LRRC4C: variants seen among roughly 807,000 people sequenced by gnomAD.
LRRC4C encodes the protein leucine-rich repeat-containing protein 4C.
Under a neutral mutation model 33.6 loss-of-function variants are expected in LRRC4C, and 5 were observed. The ratio of observed to expected loss-of-function variants is 0.15; its 90% CI spans 0.08 to 0.31. LRRC4C has a LOEUF of 0.31. LRRC4C is among the 10% of genes least tolerant of loss of function. The pLI is 1.00. For missense variants in LRRC4C, 560 were observed against 796.7 expected (o/e 0.70, Z 3.58); for synonymous variants, 329 against 302.0 (o/e 1.09, Z -0.93).
intron 1 of LRRC4C, among the ~76,000 whole-genome samples, chr11:41,242,966 T>A (rs965810344): frequency 6.6e-6 from 1 of 152,212 alleles, no homozygotes; most frequent in South Asian, 2.1e-4. Flanking sequence ...GTGAGTTCAA[T>A]GATTAGGCTT....
chr11:40,976,098 T>A (rs954639653), intron 1 of LRRC4C, among the ~76,000 whole-genome samples: 2 of 152,300 alleles, frequency 1.3e-5, no homozygotes, highest in South Asian at 2.1e-4. Context: ...TTTGCTTGGA[T>A]TATATTGCTT....
At position 40,300,144 on chromosome 11, in the gene LRRC4C, A is replaced by G. The variant is rs149026643; in HGVS notation, c.-176+19484T>C. On this transcript the variant is annotated intron_variant, in intron 4 of 6. Coordinates refer to ENST00000528697, the MANE Select transcript of LRRC4C (RefSeq NM_001258419.2). Reference sequence around the variant, plus strand: ...GAGGTGCTACTGACTTTTAAATGACAAGATTTCACAAGAACTCACTAACGT... The same window carrying G: ...GAGGTGCTACTGACTTTTAAATGACGAGATTTCACAAGAACTCACTAACGT... 7.1e-3 allele frequency among the ~76,000 whole-genome samples: 1,078 copies of G among 152,258 alleles called. 9 individuals are homozygous for G. Among genetic ancestry groups the G allele is most frequent in the African/African-American group, 0.025 (1,047 of 41,554 alleles).
chr11:41,136,981 C>T (rs1943290560), intron 1 of LRRC4C, among the ~76,000 whole-genome samples: 1 of 152,056 alleles, frequency 6.6e-6, no homozygotes, highest in South Asian at 2.1e-4. Context: ...GGTGCGGCAA[C>T]TCACCCTTCT....
At chr11:40,509,817 T>C (rs1210348156) in intron 3 of LRRC4C, among the ~76,000 whole-genome samples, 2 of 152,248 alleles carry the variant, frequency 1.3e-5, no homozygotes, top group Non-Finnish European at 2.9e-5. Flanking sequence ...ATATATTTTG[T>C]GTGTACTGAG....
intron 1 of LRRC4C, among the ~76,000 whole-genome samples, chr11:41,365,672 TG>T (rs1160586424): frequency 1.3e-5 from 2 of 152,204 alleles, no homozygotes; most frequent in Non-Finnish European, 2.9e-5. Flanking sequence ...ATTCAATTTC[TG>T]GAGTTGGAAA....
chr11:40,753,922 TA>T (rs561890838), intron 2 of LRRC4C, among the ~76,000 whole-genome samples: 248 of 151,936 alleles, frequency 1.6e-3, no homozygotes, highest in African/African-American at 5.6e-3. Context: ...GATAAAAAGA[TA>T]AAAAATATGT....
intron 2 of LRRC4C, among the ~76,000 whole-genome samples, chr11:40,822,315 A>G (rs1444239392): frequency 6.6e-6 from 1 of 151,222 alleles, no homozygotes; most frequent in African/African-American, 2.4e-5. Context: ...CCATGTTTCT[A>G]TAAATGACAG....
chr11:40,335,567 T>C (rs760609348), intron 3 of LRRC4C, among the ~76,000 whole-genome samples: 4 of 152,230 alleles, frequency 2.6e-5, no homozygotes, highest in Non-Finnish European at 5.9e-5. Flanking sequence ...AAGCAGAAAA[T>C]CTTAGAAATT....
intron 1 of LRRC4C, among the ~76,000 whole-genome samples, chr11:41,053,247 G>T (rs960410467): frequency 1.3e-5 from 2 of 152,150 alleles, no homozygotes; most frequent in African/African-American, 4.8e-5. Flanking sequence ...GTTGCATAAG[G>T]TTAAATACCC....
intron 1 of LRRC4C, among the ~76,000 whole-genome samples, chr11:41,362,541 A>AAGG (rs1952391031): frequency 6.6e-6 from 1 of 151,516 alleles, no homozygotes; most frequent in African/African-American, 2.4e-5. Flanking sequence ...CAGAATCACT[A>AAGG]AGGGGGTCCA....
intron 5 of LRRC4C, among the ~76,000 whole-genome samples, chr11:40,175,772 T>C (rs985034307): frequency 6.6e-6 from 1 of 152,210 alleles, no homozygotes; most frequent in African/African-American, 2.4e-5. Context: ...ATTTCAGCCC[T>C]TGATTATATA....
At chr11:40,259,869 A>C (rs1867549043) in intron 4 of LRRC4C, among the ~76,000 whole-genome samples, 1 of 152,106 alleles carries the variant, frequency 6.6e-6, no homozygotes, top group Admixed American at 6.6e-5. Context: ...ATCTCACACC[A>C]GTTAGAATGT....
At chr11:40,869,571 G>A (rs1190977762) in intron 2 of LRRC4C, among the ~76,000 whole-genome samples, 2 of 152,124 alleles carry the variant, frequency 1.3e-5, no homozygotes, top group African/African-American at 4.8e-5. Flanking sequence ...CAAAATGGCA[G>A]TTTAACTGGT....
chr11:41,157,802 G>T (rs959952336), intron 1 of LRRC4C, among the ~76,000 whole-genome samples: 2 of 151,834 alleles, frequency 1.3e-5, no homozygotes, highest in South Asian at 4.2e-4. Context: ...TATTTACAGG[G>T]TTAATGAGAT....
intron 3 of LRRC4C, among the ~76,000 whole-genome samples, chr11:40,487,879 A>G (rs1953946106): frequency 6.6e-6 from 1 of 152,080 alleles, no homozygotes; most frequent in Non-Finnish European, 1.5e-5. Flanking sequence ...TAATTGATAT[A>G]TGTACCACTT....
intron 1 of LRRC4C, among the ~76,000 whole-genome samples, chr11:41,398,427 C>T (rs1229223567): frequency 6.6e-6 from 1 of 151,986 alleles, no homozygotes; most frequent in Non-Finnish European, 1.5e-5. Context: ...AACTTCCTTT[C>T]AGTTAATTTA....
chr11:40,441,487 T>C (rs779454045), intron 3 of LRRC4C, among the ~76,000 whole-genome samples: 41 of 152,348 alleles, frequency 2.7e-4, no homozygotes, highest in Non-Finnish European at 4.6e-4. Flanking sequence ...ATGCATTCTT[T>C]ATTTTACTTA....
intron 1 of LRRC4C, among the ~76,000 whole-genome samples, chr11:41,427,817 A>G (rs1202929527): frequency 1.3e-5 from 2 of 152,100 alleles, no homozygotes; most frequent in Non-Finnish European, 2.9e-5. Flanking sequence ...CCACCACAAA[A>G]GAAGTGAAAA....
At chr11:41,239,348 G>A (rs1240433399) in intron 1 of LRRC4C, among the ~76,000 whole-genome samples, 4 of 117,146 alleles carry the variant, frequency 3.4e-5, no homozygotes, top group East Asian at 2.9e-4. Flanking sequence ...AAAAAAAAAT[G>A]TCCTCCACAG....
Sources: allele counts gnomAD v4.1 joint callset (sites outside exome capture counted in the v4.1 genomes callset), GRCh38; gene constraint gnomAD v4.1.1; transcripts MANE v1.5; gene names NCBI Gene and HGNC (gene_info 2026-07-23, HGNC 2026-07-21).